The following MPRIP variants were observed in gnomAD, a reference collection of about 807,000 sequenced individuals.
The protein encoded by MPRIP is myosin phosphatase Rho interacting protein, also known as myosin phosphatase Rho-interacting protein.
Under a neutral mutation model 234.9 loss-of-function variants are expected in MPRIP, and 59 were observed. The observed-to-expected ratio is 0.25, with a 90% confidence interval of 0.20 to 0.31. The LOEUF (loss-of-function observed/expected upper bound fraction) is 0.31, where lower values mean the gene tolerates loss of function less well. Among genes scored for constraint, MPRIP ranks in the 10% least tolerant of loss-of-function variants. The probability of loss-of-function intolerance (pLI) is 1.00; values close to 1 mark genes in which losing one functional copy is unlikely to be tolerated. For synonymous variants in MPRIP, 1,144 were observed against 1,263.9 expected (o/e 0.91, Z 2.01); for missense variants, 2,436 against 3,071.0 (o/e 0.79, Z 4.89).
At chr17:17,146,264 G>C (rs867234399) in intron 10 of MPRIP, among the ~76,000 whole-genome samples, 172 bp downstream of exon 10, 2 of 152,234 alleles carry the variant, frequency 1.3e-5, no homozygotes, top group Non-Finnish European at 2.9e-5. Context: ...TAGAAGTGCA[G>C]GCACACAGCC....
At position 17,138,933 on chromosome 17, in the gene MPRIP, T is replaced by A. The variant is rs1190029368; in HGVS notation, c.1250+504T>A. Among the ~76,000 whole-genome samples the A allele has an allele frequency of 1.3e-5, 2 of 152,150 alleles. No individual in the cohort carries two copies. Among genetic ancestry groups the A allele is most frequent in the East Asian group, 3.9e-4 (2 of 5,192 alleles). The stretch of plus-strand genomic sequence containing the variant: ...ACAGGTTCCTCTCTCAAGGACATGC[T>A]CCCTGGGGAGCCACAGCCCCAGGAA... On this transcript the variant is annotated intron_variant, in intron 7 of 23. Coordinates refer to ENST00000651222, the MANE Select transcript of MPRIP (RefSeq NM_001364716.4). The surrounding 1 kb of genome is among the most constrained non-coding windows in gnomAD (Gnocchi z 5.8).
chr17:17,128,161 T>C (rs1190242803), intron 4 of MPRIP, among the ~76,000 whole-genome samples: 1 of 152,186 alleles, frequency 6.6e-6, no homozygotes, highest in Admixed American at 6.5e-5. Context: ...CACACCTGTT[T>C]CTGCTGTTGG....
chr17:17,188,080 T>G lies in MPRIP; in HGVS notation c.*3186T>G, dbSNP rs1333800789. ...GCCTGCACGTGCAGAATAGTCACTT[T>G]CTGCTGGTCAGTTTCTTTATCCACC... On this transcript the variant is annotated 3_prime_UTR_variant, in exon 24 of 24. Coordinates refer to ENST00000651222, the MANE Select transcript of MPRIP (RefSeq NM_001364716.4). 1 of 152,264 alleles carries G rather than the reference T, an allele frequency of 6.6e-6. No individual in the cohort carries two copies. The highest frequency in any genetic ancestry group is 1.5e-5 in the Non-Finnish European group (1 of 68,054). The allele number at this position is 152,264 out of a possible 1,614,324, so 9.4% of individuals were successfully genotyped here. A position where few individuals can be genotyped will look rare whatever the true frequency, so the allele number is the denominator to read the frequency against.
rs4985742 is a variant in MPRIP at position 17,187,187 on chromosome 17, A to T, written c.*2293A>T. The T allele has an allele frequency of 0.15, 23,285 of 152,202 alleles. 2,598 individuals carry two copies. Among genetic ancestry groups the T allele is most frequent in the East Asian group, 0.31 (1,577 of 5,162 alleles). 9.4% of individuals were successfully genotyped at this position (152,202 alleles called of 1,614,324 possible). On this transcript the variant is annotated 3_prime_UTR_variant, in exon 24 of 24. Coordinates refer to ENST00000651222, the MANE Select transcript of MPRIP (RefSeq NM_001364716.4). ...AAATTAAAGCAAGTTTGCCCATAGGACAAAAGAGCATTTGATTCCCTTTTT... is the reference window on the plus strand; with the variant it reads ...AAATTAAAGCAAGTTTGCCCATAGGTCAAAAGAGCATTTGATTCCCTTTTT...
At chr17:17,080,504 G>T (rs1433757265) in intron 3 of MPRIP, among the ~76,000 whole-genome samples, 2 of 152,226 alleles carry the variant, frequency 1.3e-5, no homozygotes, top group Non-Finnish European at 2.9e-5. Flanking sequence ...CTTTGTGAGT[G>T]CCTGGAAATA....
At position 17,078,108 on chromosome 17, in the gene MPRIP, C is replaced by CA; in HGVS notation, c.267+33dup. ...GTTATCCTTGCCCACTCCCTGTCCC[C>CA]AGCCTTCACCAAGTCCCTCCATTAC... is the stretch of plus-strand genomic sequence containing the variant. On this transcript the variant is annotated intron_variant, in intron 3 of 23. Coordinates refer to ENST00000651222, the MANE Select transcript of MPRIP (RefSeq NM_001364716.4). The surrounding 1 kb of genome is among the most constrained non-coding windows in gnomAD (Gnocchi z 4.3). The CA allele has an allele frequency of 6.2e-7, 1 of 1,610,428 alleles. No individual in the cohort carries two copies. The highest frequency in any genetic ancestry group is 2.2e-5 in the East Asian group (1 of 44,858).
chr17:17,056,749 G>T (rs1462536239), intron 1 of MPRIP, among the ~76,000 whole-genome samples: 1 of 151,786 alleles, frequency 6.6e-6, no homozygotes, highest in African/African-American at 2.4e-5. Flanking sequence ...TGCTCCAAAA[G>T]AACCCCCCAC....
At chr17:17,055,023 C>T (rs1451504792) in intron 1 of MPRIP, among the ~76,000 whole-genome samples, 1 of 150,604 alleles carries the variant, frequency 6.6e-6, no homozygotes, top group African/African-American at 2.4e-5. Context: ...GCACTCCAAC[C>T]TGGGTAATAG....
chr17:17,133,159 A>T (rs1271344899), intron 5 of MPRIP, among the ~76,000 whole-genome samples: 1 of 152,192 alleles, frequency 6.6e-6, no homozygotes, highest in Non-Finnish European at 1.5e-5. Flanking sequence ...ACATGATCCC[A>T]GGGTGGGTAG....
rs1031357740 is a variant in MPRIP, at chr17:17,177,491, G to C, written c.7120+79G>C. ...TGGTCGTAGAGGTTTCCCGGTGCTTGACTTGAAGCAGAAGAGTCCCAGTGA... is the reference window on the plus strand; with the variant it reads ...TGGTCGTAGAGGTTTCCCGGTGCTTCACTTGAAGCAGAAGAGTCCCAGTGA... On this transcript the variant is annotated intron_variant, in intron 22 of 23. Transcript: ENST00000651222. 4 of 1,480,796 alleles carry C rather than the reference G, an allele frequency of 2.7e-6. No homozygotes were observed. The African/African-American group carries it at 4.2e-5, about 15-fold the overall frequency. The allele number at this position is 1,480,796 out of a possible 1,614,324, so 91.7% of individuals were successfully genotyped here. A position where few individuals can be genotyped will look rare whatever the true frequency, so the allele number is the denominator to read the frequency against.
chr17:17,043,008 G>A, intron 1 of MPRIP, 37 bp downstream of exon 1: 6 of 1,595,028 alleles, frequency 3.8e-6, no homozygotes, highest in Non-Finnish European at 5.1e-6. Context: ...CCTCCGTTCT[G>A]GGAGCCGCGG....
chr17:17,168,743 C>A, intron 16 of MPRIP: 1 of 411,272 alleles, frequency 2.4e-6, no homozygotes, highest in Non-Finnish European at 4.9e-6. Context: ...GTTCCTTCCA[C>A]TCAGGAAGCT....
chr17:17,079,216 A>G (rs1328304807), intron 3 of MPRIP, among the ~76,000 whole-genome samples: 1 of 152,204 alleles, frequency 6.6e-6, no homozygotes, highest in Non-Finnish European at 1.5e-5. Flanking sequence ...AGAGGATGGT[A>G]CCATAATCCT....
At chr17:17,085,366 C>T (rs76390005) in intron 3 of MPRIP, among the ~76,000 whole-genome samples, 7,752 of 152,256 alleles carry the variant, frequency 0.051, 616 homozygotes, top group African/African-American at 0.16. Flanking sequence ...ATGAGCCCCA[C>T]GAGCAAGGTA....
rs1376381523 is a variant in MPRIP, at chr17:17,167,698, G to A, written c.6107G>A (p.Cys2036Tyr). ...CTGAGGTGCCTTCAGGACACCCTCTGCCTCCACCAGGGGCCACACCCCAAG... is the reference window on the plus strand; with the variant it reads ...CTGAGGTGCCTTCAGGACACCCTCTACCTCCACCAGGGGCCACACCCCAAG... ...QSLRCLQDTL[C>Y]LHQGPHPKAL... is the part of the protein sequence containing the mutation. Residue 2036 changes from cysteine to tyrosine, a missense_variant, in exon 16 of 24, where the codon TGC becomes TAC. By Grantham distance (194) the Cys-to-Tyr change is radical. Around this residue, in one of 4 missense-constraint regions of MPRIP, gnomAD observed 1,998 missense variants for 2,520.3 expected, o/e 0.79. Transcript: ENST00000651222. This position sits in a 1 kb window ranked among gnomAD's most constrained non-coding sequence, Gnocchi z 5.9. The A allele has an allele frequency of 7.7e-7, 1 of 1,304,172 alleles. No individual in the cohort carries two copies. The highest frequency in any genetic ancestry group is 2.3e-5 in the Admixed American group (1 of 43,574). 80.8% of individuals were successfully genotyped at this position (1,304,172 alleles called of 1,614,324 possible).
intron 5 of MPRIP, among the ~76,000 whole-genome samples, chr17:17,135,071 G>A (rs1124961): frequency 0.088 from 13,335 of 152,324 alleles, 743 homozygotes; most frequent in Middle Eastern, 0.16. Flanking sequence ...GCTGAGATGT[G>A]CTTCACTTTT....
At position 17,164,207 on chromosome 17, in the gene MPRIP, G is replaced by C. The variant is rs2045931623; in HGVS notation, c.2616G>C (p.Glu872Asp). The C allele has an allele frequency of 7.7e-7, 1 of 1,304,260 alleles. No individual in the cohort carries two copies. Among genetic ancestry groups the C allele is most frequent in the Admixed American group, 2.3e-5 (1 of 43,562 alleles). The allele number at this position is 1,304,260 out of a possible 1,614,324, so 80.8% of individuals were successfully genotyped here. A position where few individuals can be genotyped will look rare whatever the true frequency, so the allele number is the denominator to read the frequency against. The change falls in exon 16 of 24, where the codon GAG (glutamate) becomes GAC (aspartate). Residue 872 changes from glutamate to aspartate, a missense_variant. By Grantham distance (45) the Glu-to-Asp change is conservative. Around this residue, in one of 4 missense-constraint regions of MPRIP, gnomAD observed 1,998 missense variants for 2,520.3 expected, o/e 0.79. Transcript: ENST00000651222. ...TTGAAGCCCAGTGCCAGCGCCAGGAGCTGATTACACACCAGATTCAGACCC... is the reference window on the plus strand; with the variant it reads ...TTGAAGCCCAGTGCCAGCGCCAGGACCTGATTACACACCAGATTCAGACCC... ...SELEAQCQRQ[E>D]LITHQIQTLK...
intron 14 of MPRIP, among the ~76,000 whole-genome samples, chr17:17,159,824 T>G (rs921548258): frequency 6.6e-6 from 1 of 152,242 alleles, no homozygotes; most frequent in African/African-American, 2.4e-5. Flanking sequence ...GTAAGTAGCT[T>G]GTTAAAGATT....
intron 1 of MPRIP, among the ~76,000 whole-genome samples, chr17:17,072,495 A>G (rs936820026): frequency 3.9e-5 from 6 of 152,228 alleles, no homozygotes; most frequent in African/African-American, 1.4e-4. Context: ...AATTACGTAC[A>G]TAATGAAATG....
Sources: allele counts gnomAD v4.1 joint callset (sites outside exome capture counted in the v4.1 genomes callset), GRCh38; gene constraint gnomAD v4.1.1; regional missense constraint gnomAD v4.1.1; non-coding constraint Gnocchi (gnomAD v3.1); transcripts MANE v1.5; gene names NCBI Gene and HGNC (gene_info 2026-07-23, HGNC 2026-07-21).